Variants in ARHGAP12 observed in about 807,000 individuals in gnomAD.
ARHGAP12 encodes Rho GTPase activating protein 12, also known as rho GTPase-activating protein 12.
In ARHGAP12, 64 loss-of-function variants were observed where a neutral mutation model predicts 108.6. The ratio of observed to expected loss-of-function variants is 0.59; its 90% confidence interval spans 0.48 to 0.73. The LOEUF (loss-of-function observed/expected upper bound fraction) is 0.73. Among genes scored for constraint, ARHGAP12 ranks in the 30% least tolerant of loss-of-function variants. The probability of loss-of-function intolerance (pLI) is 0.00; values close to 1 mark genes in which losing one functional copy is unlikely to be tolerated. For missense variants in ARHGAP12, 940 were observed against 1,005.9 expected, an observed-to-expected ratio of 0.93 and a Z score of 0.89; for synonymous variants, 312 against 337.2, an observed-to-expected ratio of 0.93 and a Z score of 0.82.
intron 6 of ARHGAP12, among the ~76,000 whole-genome samples, chr10:31,851,377 T>C (rs936486349): frequency 3.3e-5 from 5 of 152,216 alleles, no homozygotes; most frequent in African/African-American, 1.2e-4. Flanking sequence ...TCTGAGGCTA[T>C]GCTTCATCAA....
intron 3 of ARHGAP12, among the ~76,000 whole-genome samples, chr10:31,867,006 T>G (rs1196956865): frequency 6.6e-6 from 1 of 152,192 alleles, no homozygotes; most frequent in Non-Finnish European, 1.5e-5. Flanking sequence ...ATGTTTGAAA[T>G]CTAGAGACTT....
rs760764387 is a variant in ARHGAP12, at chr10:31,854,211, A to G, written c.949-5T>C. 2 of 1,597,370 alleles carry G rather than the reference A, an allele frequency of 1.3e-6. No individual in the cohort carries two copies. Among genetic ancestry groups the G allele is most frequent in the Non-Finnish European group, 8.5e-7 (1 of 1,175,514 alleles). On this transcript the variant is annotated splice_polypyrimidine_tract_variant and splice_region_variant and intron_variant, in intron 4 of 19. Coordinates refer to ENST00000344936, the MANE Select transcript of ARHGAP12 (RefSeq NM_018287.7). The stretch of plus-strand genomic sequence containing the variant: ...GTTTTCTTCCGATGAAAGAAGCTAC[A>G]AATAGTCAGAAACATAAGGATTTTT...
intron 3 of ARHGAP12, among the ~76,000 whole-genome samples, chr10:31,863,205 T>C (rs1837198949): frequency 6.6e-6 from 1 of 152,216 alleles, no homozygotes; most frequent in Admixed American, 6.5e-5. Context: ...CATCTTTCTA[T>C]GAAGAAAATC....
chr10:31,897,570 T>C (rs1430331293), intron 3 of ARHGAP12, among the ~76,000 whole-genome samples: 6 of 152,042 alleles, frequency 3.9e-5, no homozygotes, highest in Non-Finnish European at 8.8e-5. Flanking sequence ...GAAAATCTCT[T>C]AGAGACAAAC....
In ARHGAP12 at chr10:31,843,583, T is replaced by G; in HGVS notation, c.1174A>C (p.Asn392His). 6.3e-7 allele frequency: 1 copy of G among 1,595,262 alleles called. No individual in the cohort carries two copies. The highest frequency in any genetic ancestry group is 8.5e-7 in the Non-Finnish European group (1 of 1,175,218). ...SRSEWELPKY[N>H]ASSQQQREII... ...TCTCTTTGCTGCTGGGATGAAGCATTATACTAAAACAAAACAAAGCAAAAA... is the reference window on the plus strand; with the variant it reads ...TCTCTTTGCTGCTGGGATGAAGCATGATACTAAAACAAAACAAAGCAAAAA... Residue 392 changes from asparagine (N) to histidine (H), a missense_variant, in exon 7 of 20, where the codon AAT becomes CAT. By Grantham distance (68) the Asn-to-His change is moderately conservative. Coordinates refer to ENST00000344936, the MANE Select transcript of ARHGAP12 (RefSeq NM_018287.7).
At chr10:31,923,809 C>T (rs1839919455) in intron 1 of ARHGAP12, among the ~76,000 whole-genome samples, 1 of 152,082 alleles carries the variant, frequency 6.6e-6, no homozygotes, top group African/African-American at 2.4e-5. Flanking sequence ...CACATAGGAG[C>T]TCAAGGAAAT....
intron 1 of ARHGAP12, among the ~76,000 whole-genome samples, chr10:31,927,802 G>C (rs1208664604): frequency 6.6e-6 from 1 of 152,168 alleles, no homozygotes; most frequent in East Asian, 1.9e-4. Flanking sequence ...AGACCGTGTG[G>C]CCATTTCTTC....
At chr10:31,893,778 G>A (rs1838556450) in intron 3 of ARHGAP12, among the ~76,000 whole-genome samples, 2 of 152,224 alleles carry the variant, frequency 1.3e-5, no homozygotes, top group Admixed American at 6.5e-5. Context: ...CCAAAGCCTG[G>A]CAGAGACACA....
At chr10:31,893,366 A>G (rs1404656557) in intron 3 of ARHGAP12, among the ~76,000 whole-genome samples, 1 of 152,082 alleles carries the variant, frequency 6.6e-6, no homozygotes, top group African/African-American at 2.4e-5. Flanking sequence ...AATGAAGAAC[A>G]AAAGAGAGAA....
At chr10:31,884,810 G>A (rs1214584440) in intron 3 of ARHGAP12, among the ~76,000 whole-genome samples, 2 of 152,172 alleles carry the variant, frequency 1.3e-5, no homozygotes, top group East Asian at 3.8e-4. Flanking sequence ...AGATTGAGAA[G>A]CTGTAAGCTC....
rs561346729 is a variant in ARHGAP12 at position 31,922,826 on chromosome 10, T to TA, written c.-111+5856dup. On this transcript the variant is annotated intron_variant, in intron 1 of 19. Transcript: ENST00000344936. ...CATTCCACCAAAACCAAAGACATTA[T>TA]AAAAAAGAAAAAAATCATAGGTTAG... Among the ~76,000 whole-genome samples the TA allele has an allele frequency of 3.7e-4, 56 of 151,772 alleles. 1 individual carries two copies. In the East Asian group the frequency reaches 0.01, roughly 28 times the overall value.
intron 7 of ARHGAP12, among the ~76,000 whole-genome samples, chr10:31,841,075 AT>A (rs1190662687): frequency 1.3e-5 from 2 of 152,126 alleles, no homozygotes; most frequent in Admixed American, 1.3e-4. Context: ...TTCATAGCAC[AT>A]TCAGTCCCAC....
At position 31,908,627 on chromosome 10, in the gene ARHGAP12, G is replaced by T. The variant is rs964644282; in HGVS notation, c.229C>A (p.Leu77Ile). The T allele has an allele frequency of 6.2e-7, 1 of 1,614,214 alleles. No individual in the cohort carries two copies. Among genetic ancestry groups the T allele is most frequent in the African/African-American group, 1.3e-5 (1 of 75,062 alleles). The change falls in exon 3 of 20, where the codon CTC becomes ATC. Residue 77 changes from leucine (L) to isoleucine (I), a missense_variant. Transcript: ENST00000344936. ...QYVKEVTRKA[L>I]MPPVKQVAGL... is the part of the protein sequence containing the mutation. ...GCTACCTGCTTAACAGGTGGCATGA[G>T]AGCTTTGCGCGTGACCTCCTTCACA...
In ARHGAP12 at chr10:31,809,187, T is replaced by C. The variant is rs2275808; in HGVS notation, c.2128+43A>G. On this transcript the variant is annotated intron_variant, in intron 17 of 19. Coordinates refer to ENST00000344936, the MANE Select transcript of ARHGAP12 (RefSeq NM_018287.7). ...ATTACTTTAAGCCAGTTCAAAAAGT[T>C]ATGAGTGATGCATCTGAATAACAAC... 2.4e-4 allele frequency: 395 copies of C among 1,613,192 alleles called. 2 individuals carry two copies. The East Asian group carries it at 7.5e-3, about 31-fold the overall frequency.
Position 31,914,861 on chromosome 10 carries a change from C to T in ARHGAP12, c.-110-4298G>A, listed in dbSNP as rs1839490918. 2.0e-5 allele frequency among the ~76,000 whole-genome samples: 3 copies of T among 152,002 alleles called. No homozygotes were observed. In the South Asian group the frequency reaches 6.2e-4, roughly 32 times the overall value. ...CTCCCACATTTACTGCAGCAGTATTCGAAATAGGCAAGATATAGAATTAAT... is the reference window on the plus strand; with the variant it reads ...CTCCCACATTTACTGCAGCAGTATTTGAAATAGGCAAGATATAGAATTAAT... On this transcript the variant is annotated intron_variant, in intron 1 of 19. Transcript: ENST00000344936.
intron 9 of ARHGAP12, among the ~76,000 whole-genome samples, chr10:31,834,627 C>T (rs59453288): frequency 0.24 from 36,067 of 152,072 alleles, 4,553 homozygotes; most frequent in Non-Finnish European, 0.29. Flanking sequence ...ACTTTTATTA[C>T]TTCATTATCC....
Position 31,809,098 on chromosome 10 carries a change from C to G in ARHGAP12, c.2159G>C (p.Trp720Ser). The change falls in exon 18 of 20, where the codon TGG (tryptophan) becomes TCG (serine). Residue 720 changes from tryptophan (W) to serine (S), a missense_variant. Transcript: ENST00000344936. ...DEKLDLNDSK[W>S]EDIHVITGAL... ...TCCAGTAATGACATGAATATCTTCC[C>G]ATTTACTGTCATTCAAGTCCAATTT... 4 of 1,613,458 alleles carry G rather than the reference C, an allele frequency of 2.5e-6. No individual in the cohort carries two copies. Among genetic ancestry groups the G allele is most frequent in the Non-Finnish European group, 3.4e-6 (4 of 1,179,740 alleles).
chr10:31,884,676 G>A (rs771932417), intron 3 of ARHGAP12, among the ~76,000 whole-genome samples: 2 of 152,162 alleles, frequency 1.3e-5, no homozygotes, highest in Non-Finnish European at 2.9e-5. Flanking sequence ...CTGGTCACTT[G>A]AGGAACATTC....
chr10:31,849,719 T>C (rs1352611820), intron 6 of ARHGAP12, among the ~76,000 whole-genome samples: 1 of 152,198 alleles, frequency 6.6e-6, no homozygotes, highest in African/African-American at 2.4e-5. Context: ...CTTCTGACAC[T>C]TTATGCTAAG....
Sources: allele counts gnomAD v4.1 joint callset (sites outside exome capture counted in the v4.1 genomes callset), GRCh38; gene constraint gnomAD v4.1.1; transcripts MANE v1.5; gene names NCBI Gene and HGNC (gene_info 2026-07-23, HGNC 2026-07-21).